CALN1: variants seen among roughly 807,000 people sequenced by gnomAD.
CALN1 encodes calcium-binding protein 8.
In CALN1, 17 loss-of-function variants were observed where a neutral mutation model predicts 30.6. The ratio of observed to expected loss-of-function variants is 0.56; its 90% CI spans 0.38 to 0.83. CALN1 has a LOEUF of 0.83. Ranked by LOEUF, CALN1 falls within the 40% of genes least tolerant of loss-of-function variation. CALN1 has a pLI of 0.00. For missense variants in CALN1, 291 were observed against 354.9 expected (o/e 0.82, Z 1.45); for synonymous variants, 156 against 131.4 (o/e 1.19, Z -1.28).
At chr7:71,900,446 A>T (rs1024373835) in intron 5 of CALN1, among the ~76,000 whole-genome samples, 2 of 152,246 alleles carry the variant, frequency 1.3e-5, no homozygotes, top group African/African-American at 4.8e-5. Context: ...GATTTGATAA[A>T]TGAATTCAGT....
At chr7:71,845,829 G>A (rs1413134622) in intron 5 of CALN1, among the ~76,000 whole-genome samples, 2 of 152,120 alleles carry the variant, frequency 1.3e-5, no homozygotes, top group Non-Finnish European at 2.9e-5. Flanking sequence ...TGAGGCAGGT[G>A]GATCACTTGA....
intron 2 of CALN1, among the ~76,000 whole-genome samples, chr7:72,300,780 G>A (rs185413905): frequency 2.6e-5 from 4 of 152,130 alleles, no homozygotes; most frequent in Admixed American, 6.5e-5. Flanking sequence ...ATCACTTGAG[G>A]TCAGGAGTTC....
At chr7:72,428,352 G>C (rs1418523886) in intron 1 of CALN1, among the ~76,000 whole-genome samples, 2 of 151,886 alleles carry the variant, frequency 1.3e-5, no homozygotes, top group Non-Finnish European at 2.9e-5. Context: ...TTGGAAGTGA[G>C]AAAGGCACAG....
In CALN1 at chr7:71,905,040, G is replaced by C. The variant is rs1422218234; in HGVS notation, c.502-94548C>G. Among the ~76,000 whole-genome samples the C allele has an allele frequency of 2.0e-5, 3 of 152,116 alleles. No homozygotes were observed. In the East Asian group the frequency reaches 5.8e-4, roughly 29 times the overall value. ...TGCAACCTCTGCCTCCCAGGTTCAA[G>C]CAATTCTCCTGCCTCAGCCTCCTGA... On this transcript the variant is annotated intron_variant, in intron 5 of 6. Coordinates refer to ENST00000395275, the MANE Select transcript of CALN1 (RefSeq NM_031468.4).
At chr7:72,163,598 T>G (rs921517485) in intron 3 of CALN1, among the ~76,000 whole-genome samples, 1 of 152,100 alleles carries the variant, frequency 6.6e-6, no homozygotes, top group African/African-American at 2.4e-5. Context: ...ACTATTACAA[T>G]GAACCGAATA....
At chr7:71,828,135 A>G (rs1268832018) in intron 5 of CALN1, among the ~76,000 whole-genome samples, 1 of 152,180 alleles carries the variant, frequency 6.6e-6, no homozygotes, top group Non-Finnish European at 1.5e-5. Context: ...GGAGAAGCCC[A>G]TTAGTAGCTC....
chr7:71,979,980 G>T (rs1798308764), intron 5 of CALN1, among the ~76,000 whole-genome samples: 1 of 147,206 alleles, frequency 6.8e-6, no homozygotes, highest in African/African-American at 2.5e-5. Context: ...CAGGTTCAAG[G>T]GATTCTTCTG....
intron 2 of CALN1, among the ~76,000 whole-genome samples, chr7:72,338,657 AAT>A (rs544444108): frequency 3.3e-5 from 5 of 151,768 alleles, no homozygotes; most frequent in East Asian, 3.9e-4. Flanking sequence ...ATCTTTTTTA[AAT>A]ATGTTTTTGT....
intron 5 of CALN1, among the ~76,000 whole-genome samples, chr7:71,845,873 G>A (rs1790202662): frequency 6.6e-6 from 1 of 152,078 alleles, no homozygotes; most frequent in Non-Finnish European, 1.5e-5. Flanking sequence ...GGCCAACATG[G>A]TGAAACCCCG....
At chr7:72,233,506 A>T (rs1794257149) in intron 3 of CALN1, among the ~76,000 whole-genome samples, 1 of 152,156 alleles carries the variant, frequency 6.6e-6, no homozygotes, top group African/African-American at 2.4e-5. Context: ...ACTTGAGACC[A>T]GGAGTTTGAG....
chr7:71,929,967 A>G (rs981340586), intron 5 of CALN1, among the ~76,000 whole-genome samples: 1 of 152,234 alleles, frequency 6.6e-6, no homozygotes, highest in African/African-American at 2.4e-5. Flanking sequence ...CTGCTCAAGC[A>G]TCTTATATAA....
At chr7:72,177,887 C>T (rs540159243) in intron 3 of CALN1, among the ~76,000 whole-genome samples, 29 of 152,102 alleles carry the variant, frequency 1.9e-4, no homozygotes, top group Non-Finnish European at 3.8e-4. Flanking sequence ...GTAACATGTT[C>T]GCGTCCCTTA....
At chr7:72,494,762 G>A in the CALN1 span, among the ~76,000 whole-genome samples, 1 of 152,114 alleles carries the variant, frequency 6.6e-6, no homozygotes, top group East Asian at 1.9e-4. Flanking sequence ...AGCTACTCAG[G>A]AGGCTGAGGA....
At chr7:72,150,606 C>T (rs923813382) in intron 3 of CALN1, among the ~76,000 whole-genome samples, 2 of 152,100 alleles carry the variant, frequency 1.3e-5, no homozygotes, top group African/African-American at 2.4e-5. Flanking sequence ...ACAACCAATG[C>T]AAAGATCTTG....
At chr7:71,962,089 GTTA>G (rs71531776) in intron 5 of CALN1, among the ~76,000 whole-genome samples, 24,186 of 151,986 alleles carry the variant, frequency 0.16, 2,231 homozygotes, top group Non-Finnish European at 0.23. Flanking sequence ...AGATAGGAAA[GTTA>G]TTATAAGAAT....
intron 3 of CALN1, among the ~76,000 whole-genome samples, chr7:72,274,473 A>C (rs1310861916): frequency 6.7e-6 from 1 of 149,926 alleles, no homozygotes; most frequent in African/African-American, 2.5e-5. Flanking sequence ...GCGCCACTGC[A>C]CTCCAGCCTC....
At chr7:71,871,857 T>G (rs533132691) in intron 5 of CALN1, among the ~76,000 whole-genome samples, 29 of 152,144 alleles carry the variant, frequency 1.9e-4, no homozygotes, top group Non-Finnish European at 3.7e-4. Context: ...CATGGCCTGT[T>G]GTCCTTCCCA....
chr7:72,377,506 G>A (rs1003396365), intron 2 of CALN1, among the ~76,000 whole-genome samples: 3 of 150,184 alleles, frequency 2.0e-5, no homozygotes, highest in Admixed American at 6.6e-5. Flanking sequence ...ATTGAATGCT[G>A]AACATTTTTT....
chr7:72,464,098 A>C, the CALN1 span, among the ~76,000 whole-genome samples: 4 of 142,260 alleles, frequency 2.8e-5, no homozygotes, highest in African/African-American at 5.5e-5. Flanking sequence ...GAAAGAAAGA[A>C]AGAGAGAGAA....
Sources: allele counts gnomAD v4.1 joint callset (sites outside exome capture counted in the v4.1 genomes callset), GRCh38; gene constraint gnomAD v4.1.1; transcripts MANE v1.5; gene names NCBI Gene and HGNC (gene_info 2026-07-23, HGNC 2026-07-21).